The following SPRED2 variants were observed in gnomAD, a reference collection of about 807,000 sequenced individuals.
SPRED2 encodes sprouty related EVH1 domain containing 2.
Under a neutral mutation model 43.0 loss-of-function variants are expected in SPRED2, and 47 were observed. The ratio of observed to expected loss-of-function variants is 1.09; its 90% CI spans 0.87 to 1.40. The LOEUF is 1.40. SPRED2 is among the 40% of genes most tolerant of loss of function. The pLI is 0.00. For synonymous variants in SPRED2, 225 were observed against 225.7 expected, an observed-to-expected ratio of 1.00 and a Z score of 0.03; for missense variants, 561 against 586.4, an observed-to-expected ratio of 0.96 and a Z score of 0.45.
chr2:65,387,346 A>G (rs1025361357), intron 1 of SPRED2, among the ~76,000 whole-genome samples: 3 of 152,232 alleles, frequency 2.0e-5, no homozygotes, highest in African/African-American at 4.8e-5. Flanking sequence ...ACAAGGAATC[A>G]TATTCACAGA....
Position 65,312,455 on chromosome 2 carries a change from G to T in SPRED2, c.*1046C>A, listed in dbSNP as rs994873155. 2 of 985,264 alleles carry T rather than the reference G, an allele frequency of 2.0e-6. No homozygotes were observed. Among genetic ancestry groups the T allele is most frequent in the African/African-American group, 1.7e-5 (1 of 57,220 alleles). The allele number at this position is 985,264 out of a possible 1,614,324, so 61.0% of individuals were successfully genotyped here. A position where few individuals can be genotyped will look rare whatever the true frequency, so the allele number is the denominator to read the frequency against. On this transcript the variant is annotated 3_prime_UTR_variant, in exon 6 of 6. Coordinates refer to ENST00000356388, the MANE Select transcript of SPRED2 (RefSeq NM_181784.3). ...ATTAATATAAAATAGCCAGGGGTTG[G>T]GGGGAAGAAGCTCCCTATGGTTTTA...
intron 1 of SPRED2, among the ~76,000 whole-genome samples, chr2:65,396,920 G>C (rs1376734499): frequency 2.4e-4 from 36 of 152,338 alleles, no homozygotes; most frequent in African/African-American, 8.7e-4. Flanking sequence ...AACCAGGCCT[G>C]TCTGCTTAGC....
intron 2 of SPRED2, among the ~76,000 whole-genome samples, chr2:65,337,370 T>A (rs891242800): frequency 1.3e-5 from 2 of 151,740 alleles, no homozygotes; most frequent in Admixed American, 6.6e-5. Flanking sequence ...ATAAGATGCA[T>A]ACGGAGAAAA....
intron 1 of SPRED2, among the ~76,000 whole-genome samples, chr2:65,366,235 C>T (rs1329814654): frequency 6.6e-6 from 1 of 152,126 alleles, no homozygotes; most frequent in African/African-American, 2.4e-5. Context: ...CACTACCCAC[C>T]CAAGAGGTAT....
chr2:65,360,887 A>G (rs1674795765), intron 1 of SPRED2, among the ~76,000 whole-genome samples: 1 of 152,240 alleles, frequency 6.6e-6, no homozygotes, highest in Non-Finnish European at 1.5e-5. Context: ...GAAATAGGTA[A>G]AGAACCCCAA....
chr2:65,348,500 T>TA (rs5831748), intron 1 of SPRED2, among the ~76,000 whole-genome samples: 40,884 of 151,842 alleles, frequency 0.27, 6,854 homozygotes, highest in East Asian at 0.7. Flanking sequence ...TAAACAGGTT[T>TA]AAAAAAAATT....
chr2:65,361,789 T>G (rs879435943), intron 1 of SPRED2, among the ~76,000 whole-genome samples: 1 of 152,206 alleles, frequency 6.6e-6, no homozygotes, highest in Admixed American at 6.5e-5. Context: ...TGAGAACACA[T>G]GCCCACCCAC....
intron 1 of SPRED2, among the ~76,000 whole-genome samples, chr2:65,413,471 C>T (rs1317134616): frequency 6.6e-6 from 1 of 152,170 alleles, no homozygotes; most frequent in African/African-American, 2.4e-5. Flanking sequence ...GTTTGGCCAA[C>T]AGAAGAGAAG....
intron 1 of SPRED2, among the ~76,000 whole-genome samples, chr2:65,401,950 C>CACAA (rs1675910112): frequency 1.3e-5 from 2 of 149,534 alleles, no homozygotes; most frequent in African/African-American, 5.0e-5. Context: ...CACACACACA[C>CACAA]ACACACACAC....
rs748586468 is a variant in SPRED2, at chr2:65,313,669, G to T, written c.1089C>A (p.Asp363Glu). 3.7e-6 allele frequency: 6 copies of T among 1,614,070 alleles called. No individual in the cohort carries two copies. The East Asian group carries it at 1.3e-4, about 36-fold the overall frequency. ...CGTCGCTAGTATCGCACGAGCAAGG[G>T]TCTGTATAGTCTCCCTCGGGGTCCG... ...CMSDPEGDYT[D>E]PCSCDTSDEK... Residue 363 changes from aspartate (D) to glutamate (E), a missense_variant, in exon 6 of 6, where the codon GAC (aspartate) becomes GAA (glutamate). Around this residue, in one of 6 missense-constraint regions of SPRED2, gnomAD observed 65 missense variants for 60.2 expected, o/e 1.08. Transcript: ENST00000356388.
intron 1 of SPRED2, among the ~76,000 whole-genome samples, chr2:65,401,566 C>A (rs1016512877): frequency 6.6e-6 from 1 of 151,650 alleles, no homozygotes; most frequent in Non-Finnish European, 1.5e-5. Flanking sequence ...GAGGCTGAGG[C>A]GGGCAGATCA....
chr2:65,316,072 A>T (rs1673223514), intron 5 of SPRED2, among the ~76,000 whole-genome samples: 1 of 152,278 alleles, frequency 6.6e-6, no homozygotes, highest in South Asian at 2.1e-4. Flanking sequence ...AAAACAAAAC[A>T]AAACAACTCA....
At chr2:65,308,780 CT>C (rs1292156347), downstream of SPRED2, among the ~76,000 whole-genome samples, 1 of 152,196 alleles carries the variant, frequency 6.6e-6, no homozygotes, top group African/African-American at 2.4e-5. Flanking sequence ...GTCCAGTGAC[CT>C]TTATGGAGTT....
At chr2:65,345,552 C>T (rs769270923) in intron 1 of SPRED2, among the ~76,000 whole-genome samples, 15 of 152,108 alleles carry the variant, frequency 9.9e-5, no homozygotes, top group Non-Finnish European at 2.1e-4. Context: ...GGAGCCACCA[C>T]GCCCAGACTA....
At chr2:65,345,819 T>G (rs1033326151) in intron 1 of SPRED2, among the ~76,000 whole-genome samples, 2 of 152,200 alleles carry the variant, frequency 1.3e-5, no homozygotes, top group Non-Finnish European at 2.9e-5. Flanking sequence ...CACAATAAGT[T>G]CTTCTGCACA....
At chr2:65,349,569 A>G (rs1674449508) in intron 1 of SPRED2, among the ~76,000 whole-genome samples, 1 of 152,258 alleles carries the variant, frequency 6.6e-6, no homozygotes, top group East Asian at 1.9e-4. Context: ...ACCTCTTGTT[A>G]AAACATGCTT....
intron 4 of SPRED2, among the ~76,000 whole-genome samples, chr2:65,326,694 T>G (rs749506158): frequency 2.6e-5 from 4 of 151,954 alleles, no homozygotes; most frequent in Non-Finnish European, 5.9e-5. Flanking sequence ...GAAAAAGAAA[T>G]AGGGTCTCAC....
intron 4 of SPRED2, among the ~76,000 whole-genome samples, chr2:65,321,056 C>T (rs1673394175): frequency 6.6e-6 from 1 of 152,248 alleles, no homozygotes; most frequent in African/African-American, 2.4e-5. Context: ...TATCTACACT[C>T]CCCTTGCTCT....
At chr2:65,431,821 C>T in intron 1 of SPRED2, 141 bp downstream of exon 1, 2 of 1,006,746 alleles carry the variant, frequency 2.0e-6, no homozygotes, top group South Asian at 2.8e-5. Context: ...AGGGAAGCCT[C>T]GCGTCCCAAC....
Sources: gnomAD v4.1 joint callset for allele counts (sites outside exome capture counted in the v4.1 genomes callset) on GRCh38, gnomAD v4.1.1 for gene constraint, gnomAD v4.1.1 regional missense constraint, MANE v1.5 for transcripts, NCBI Gene and HGNC (gene_info 2026-07-23, HGNC 2026-07-21) for gene names.